LPO: variants seen among roughly 807,000 people sequenced by gnomAD.
The protein encoded by LPO is lactoperoxidase.
A neutral mutation model predicts 68.4 loss-of-function variants in LPO; 70 were observed. The observed-to-expected ratio is 1.02, with a 90% CI of 0.84 to 1.25. LPO has a LOEUF of 1.25. Ranked by LOEUF, LPO falls within the 50% of genes most tolerant of loss-of-function variation. The pLI is 0.00. For missense variants in LPO, 873 were observed against 908.4 expected (o/e 0.96, Z 0.50); for synonymous variants, 360 against 357.6 (o/e 1.01, Z -0.08).
chr17:58,251,911 A>T, intron 7 of LPO: 1 of 701,484 alleles, frequency 1.4e-6, no homozygotes, highest in South Asian at 1.4e-5. Context: ...AGGGAGCTCA[A>T]TACTCCCTCC....
intron 9 of LPO, among the ~76,000 whole-genome samples, chr17:58,261,898 G>A (rs538374924): frequency 6.6e-4 from 100 of 152,268 alleles, no homozygotes; most frequent in African/African-American, 2.4e-3. Context: ...TGGTGTCAGT[G>A]CTTTATCATT....
chr17:58,246,320 T>G (rs8178308), intron 3 of LPO, among the ~76,000 whole-genome samples: 4 of 152,096 alleles, frequency 2.6e-5, no homozygotes, highest in African/African-American at 9.7e-5. Context: ...GAATCAGCGG[T>G]GGCATGGTCT....
At position 58,244,088 on chromosome 17, in the gene LPO, GAGACAC is replaced by G. The variant is rs770761471; in HGVS notation, c.164+9_164+14del. 6,190 of 1,451,546 alleles carry G rather than the reference GAGACAC, an allele frequency of 4.3e-3. 41 individuals are homozygous for G. Among genetic ancestry groups the G allele is most frequent in the Non-Finnish European group, 4.6e-3 (4,931 of 1,063,532 alleles). 89.9% of individuals were successfully genotyped at this position (1,451,546 alleles called of 1,614,324 possible). On this transcript the variant is annotated splice_region_variant and intron_variant, in intron 3 of 12. Coordinates refer to ENST00000262290, the MANE Select transcript of LPO (RefSeq NM_006151.3). Reference sequence around the variant, plus strand: ...TCCTGGACTCCCGAACCAGGTACGTGAGACACACACACACACACACACACACACACA... The same window carrying G: ...TCCTGGACTCCCGAACCAGGTACGTGACACACACACACACACACACACACA...
intron 4 of LPO, 83 bp from the exon 5 acceptor site, chr17:58,248,977 C>A: frequency 9.9e-7 from 1 of 1,011,184 alleles, no homozygotes; most frequent in Middle Eastern, 2.0e-4. Context: ...TGCAGGTTCA[C>A]CTCTGGTCTC....
rs750893533 is a variant in LPO at position 58,252,252 on chromosome 17, G to A, written c.851G>A (p.Cys284Tyr). The change falls in exon 8 of 13, where the codon TGC (cysteine) becomes TAC (tyrosine). Residue 284 changes from cysteine (C) to tyrosine (Y), a missense_variant. By Grantham distance (194) the Cys-to-Tyr change is radical. Coordinates refer to ENST00000262290, the MANE Select transcript of LPO (RefSeq NM_006151.3). ...CMPFFRAGFV[C>Y]PTPPYKSLAR... The stretch of plus-strand genomic sequence containing the variant: ...CCTTTCTTCCGAGCTGGGTTCGTCT[G>A]CCCCACTCCACCCTACAAGTCCCTG... 1 of 1,614,136 alleles carries A rather than the reference G, an allele frequency of 6.2e-7. No homozygotes were observed. The highest frequency in any genetic ancestry group is 1.3e-5 in the African/African-American group (1 of 75,030).
At position 58,252,360 on chromosome 17, in the gene LPO, T is replaced by C. The variant is rs1969975774; in HGVS notation, c.959T>C (p.Leu320Pro). 6.2e-7 allele frequency: 1 copy of C among 1,614,158 alleles called. No individual in the cohort carries two copies. The highest frequency in any genetic ancestry group is 1.3e-5 in the African/African-American group (1 of 75,024). ...TCCGAGCCAAGCCTGGCCAGCCGCC[T>C]CCGCAACCTCAGCAGCCCCCTGGGC... ...YSSEPSLASR[L>P]RNLSSPLGLM... Residue 320 changes from leucine (L) to proline (P), a missense_variant, in exon 8 of 13, where the codon CTC becomes CCC. Coordinates refer to ENST00000262290, the MANE Select transcript of LPO (RefSeq NM_006151.3).
chr17:58,258,621 C>T (rs555979733), intron 9 of LPO, among the ~76,000 whole-genome samples: 3 of 152,290 alleles, frequency 2.0e-5, no homozygotes, highest in Non-Finnish European at 2.9e-5. Context: ...TTTGGCTACT[C>T]TGAGTCTTCT....
At position 58,249,143 on chromosome 17, in the gene LPO, C is replaced by T; in HGVS notation, c.409C>T (p.Pro137Ser). The change falls in exon 5 of 13, where the codon CCT (proline) becomes TCT (serine). Residue 137 changes from proline (P) to serine (S), a missense_variant. Physicochemically the swap from Pro to Ser is moderately conservative, Grantham distance 74. Coordinates refer to ENST00000262290, the MANE Select transcript of LPO (RefSeq NM_006151.3). ...APVVRCDPCS[P>S]YRTITGDCNN... ...CGTGGTGAGATGCGACCCGTGCAGC[C>T]CTTACCGCACCATTACGGGAGACTG... 1 of 1,614,194 alleles carries T rather than the reference C, an allele frequency of 6.2e-7. No individual in the cohort carries two copies. The highest frequency in any genetic ancestry group is 8.5e-7 in the Non-Finnish European group (1 of 1,180,030).
intron 4 of LPO, 87 bp from the exon 5 acceptor site, chr17:58,248,973 T>TTC: frequency 1.0e-6 from 1 of 971,004 alleles, no homozygotes. Flanking sequence ...AACATGCAGG[T>TTC]TCACCTCTGG....
intron 9 of LPO, among the ~76,000 whole-genome samples, chr17:58,256,335 A>T (rs1970068457): frequency 6.6e-6 from 1 of 152,138 alleles, no homozygotes; most frequent in Non-Finnish European, 1.5e-5. Flanking sequence ...GCATGAAAAG[A>T]AATGTTTATT....
Position 58,252,354 on chromosome 17 carries a change from G to C in LPO, c.953G>C (p.Ser318Thr), listed in dbSNP as rs756952365. The C allele has an allele frequency of 1.9e-6, 3 of 1,614,028 alleles. No homozygotes were observed. The highest frequency in any genetic ancestry group is 2.5e-6 in the Non-Finnish European group (3 of 1,180,042). The change falls in exon 8 of 13, where the codon AGC becomes ACC. Residue 318 changes from serine to threonine, a missense_variant. Coordinates refer to ENST00000262290, the MANE Select transcript of LPO (RefSeq NM_006151.3). ...TACAGCTCCGAGCCAAGCCTGGCCA[G>C]CCGCCTCCGCAACCTCAGCAGCCCC... The part of the protein sequence containing the change: ...FVYSSEPSLA[S>T]RLRNLSSPLG...
At chr17:58,240,433 A>C (rs1326854862) in intron 1 of LPO, among the ~76,000 whole-genome samples, 1 of 152,174 alleles carries the variant, frequency 6.6e-6, no homozygotes, top group Non-Finnish European at 1.5e-5. Flanking sequence ...GGCCTCTTAC[A>C]CTCTAAAGCC....
At chr17:58,266,033 G>A (rs8178400) in intron 10 of LPO, 120 bp from the exon 11 acceptor site, 9,157 of 912,930 alleles carry the variant, frequency 0.01, 69 homozygotes, top group Non-Finnish European at 0.012. Flanking sequence ...TCCAGCCTGG[G>A]ATGTCCAGGT....
chr17:58,258,811 T>A (rs578194195), intron 9 of LPO, among the ~76,000 whole-genome samples: 38 of 152,370 alleles, frequency 2.5e-4, no homozygotes, highest in African/African-American at 8.7e-4. Flanking sequence ...TTTGCATTTC[T>A]CTAATGGCTG....
intron 9 of LPO, among the ~76,000 whole-genome samples, chr17:58,261,778 C>T (rs1445518105): frequency 6.6e-6 from 1 of 151,870 alleles, no homozygotes; most frequent in East Asian, 1.9e-4. Flanking sequence ...TCACATATTG[C>T]TTTGTATAAT....
At position 58,267,977 on chromosome 17, in the gene LPO, G is replaced by A. The variant is rs1342845086; in HGVS notation, c.2122G>A (p.Ala708Thr). 19 of 1,613,718 alleles carry A rather than the reference G, an allele frequency of 1.2e-5. No individual in the cohort carries two copies. The highest frequency in any genetic ancestry group is 1.4e-5 in the Non-Finnish European group (17 of 1,180,038). ...AIDKLDLSPW[A>T]SVKN is the part of the protein sequence containing the mutation. ...CGACAAGCTGGACCTGTCACCCTGG[G>A]CCTCAGTGAAGAATTAGGGGCCCGC... Residue 708 changes from alanine (A) to threonine (T), a missense_variant, in exon 13 of 13, where the codon GCC becomes ACC. Coordinates refer to ENST00000262290, the MANE Select transcript of LPO (RefSeq NM_006151.3).
chr17:58,243,223 T>C, intron 2 of LPO, 168 bp downstream of exon 2: 2 of 607,788 alleles, frequency 3.3e-6, no homozygotes, highest in South Asian at 4.0e-5. Flanking sequence ...GAAGAATGCT[T>C]CCTTTCTTCT....
At chr17:58,240,659 G>A (rs372088924) in intron 1 of LPO, among the ~76,000 whole-genome samples, 1 of 152,212 alleles carries the variant, frequency 6.6e-6, no homozygotes, top group Admixed American at 6.5e-5. Flanking sequence ...AGTGAGGAGA[G>A]CATGAAGGGG....
At chr17:58,244,991 TC>T (rs1273151336) in intron 3 of LPO, among the ~76,000 whole-genome samples, 1 of 152,162 alleles carries the variant, frequency 6.6e-6, no homozygotes, top group African/African-American at 2.4e-5. Context: ...CCTCTCGCTG[TC>T]CCTTTACACT....
Sources: allele counts gnomAD v4.1 joint callset (sites outside exome capture counted in the v4.1 genomes callset), GRCh38; gene constraint gnomAD v4.1.1; transcripts MANE v1.5; gene names NCBI Gene and HGNC (gene_info 2026-07-23, HGNC 2026-07-21).